NSD2: variants seen among roughly 807,000 people sequenced by gnomAD.
NSD2 encodes nuclear receptor binding SET domain protein 2.
Under a neutral mutation model 139.0 loss-of-function variants are expected in NSD2, and 12 were observed. The ratio of observed to expected loss-of-function variants is 0.09; its 90% CI spans 0.06 to 0.14. The LOEUF (loss-of-function observed/expected upper bound fraction) is 0.14. Among genes scored for constraint, NSD2 ranks in the 10% least tolerant of loss-of-function variants. The pLI is 1.00. For missense variants in NSD2, 1,155 were observed against 1,745.0 expected (o/e 0.66, Z 6.02); for synonymous variants, 669 against 648.7 (o/e 1.03, Z -0.48).
intron 1 of NSD2, among the ~76,000 whole-genome samples, chr4:1,872,451 C>G (rs528616882): frequency 6.6e-6 from 1 of 152,050 alleles, no homozygotes; most frequent in Admixed American, 6.6e-5. Flanking sequence ...TGTATAGGAC[C>G]CATTGCAGCA....
Position 1,955,094 on chromosome 4 carries a change from AG to A in NSD2, c.2339-66del, listed in dbSNP as rs1724670540. 6.9e-7 allele frequency: 1 copy of A among 1,446,866 alleles called. No homozygotes were observed. Among genetic ancestry groups the A allele is most frequent in the African/African-American group, 1.4e-5 (1 of 71,272 alleles). The allele number at this position is 1,446,866 out of a possible 1,614,324, so 89.6% of individuals were successfully genotyped here. On this transcript the variant is annotated intron_variant, in intron 12 of 21. Transcript: ENST00000508803. This position sits in a 1 kb window ranked among gnomAD's most constrained non-coding sequence, Gnocchi z 4.7. ...AATTCATGGAGGCTGAGTAATTATT[AG>A]TTGCTCTTTTCACTATGACTGGAGT...
At chr4:1,977,950 A>G (rs1727279363) in intron 21 of NSD2, among the ~76,000 whole-genome samples, 1 of 152,076 alleles carries the variant, frequency 6.6e-6, no homozygotes, top group Non-Finnish European at 1.5e-5. Flanking sequence ...AACATGGTGA[A>G]ACCTCATCTC....
chr4:1,954,159 A>G (rs929564495), intron 12 of NSD2, among the ~76,000 whole-genome samples: 4 of 151,876 alleles, frequency 2.6e-5, no homozygotes, highest in African/African-American at 9.7e-5. Flanking sequence ...TAATTTTTGT[A>G]TTTTTAGTAG....
intron 3 of NSD2, among the ~76,000 whole-genome samples, chr4:1,909,960 T>A (rs938590235): frequency 6.6e-6 from 1 of 152,080 alleles, no homozygotes; most frequent in East Asian, 1.9e-4. Flanking sequence ...AAAAAAAAAT[T>A]ATTTATCATG....
chr4:1,948,488 G>A lies in NSD2; in HGVS notation c.1882-2584G>A. On this transcript the variant is annotated intron_variant, in intron 9 of 21. Transcript: ENST00000508803. The surrounding 1 kb of genome is among the most constrained non-coding windows in gnomAD (Gnocchi z 4.5). ...TCGTACTTTGCTCTCCTTGCGGGTG[G>A]TTGCCGAGCCGAGAGCATTGGATCC... The A allele has an allele frequency of 1.9e-6, 2 of 1,064,960 alleles. No individual in the cohort carries two copies. Among genetic ancestry groups the A allele is most frequent in the Non-Finnish European group, 2.3e-6 (2 of 878,214 alleles). 66.0% of individuals were successfully genotyped at this position (1,064,960 alleles called of 1,614,324 possible).
intron 7 of NSD2, 129 bp from the exon 8 acceptor site, chr4:1,938,322 G>A: frequency 1.3e-6 from 1 of 746,538 alleles, no homozygotes; most frequent in Non-Finnish European, 2.0e-6. Context: ...AGCAACCTGT[G>A]TTCATTCACA....
In NSD2 at chr4:1,872,198, G is replaced by C. The variant is rs115912214; in HGVS notation, c.-30+656G>C. ...GTCCGGCCCTTGGCAGGTGGAGGCG[G>C]GGGTGAGCCGGGTGTGGGTACCCTG... On this transcript the variant is annotated intron_variant, in intron 1 of 21. Transcript: ENST00000508803. Among the ~76,000 whole-genome samples the C allele has an allele frequency of 7.1e-3, 1,088 of 152,254 alleles. 14 individuals are homozygous for C. Among genetic ancestry groups the C allele is most frequent in the African/African-American group, 0.025 (1,043 of 41,572 alleles).
intron 15 of NSD2, among the ~76,000 whole-genome samples, chr4:1,957,408 C>A (rs1444493375): frequency 6.6e-6 from 1 of 151,490 alleles, no homozygotes; most frequent in Non-Finnish European, 1.5e-5. Context: ...CTCAGTCTCC[C>A]AAGTAGCTGG....
At chr4:1,971,968 G>A (rs1429383666) in intron 18 of NSD2, among the ~76,000 whole-genome samples, 1 of 152,162 alleles carries the variant, frequency 6.6e-6, no homozygotes, top group East Asian at 1.9e-4. Context: ...ACTTGTGGCC[G>A]GTTCAGAAAT....
intron 1 of NSD2, among the ~76,000 whole-genome samples, chr4:1,881,075 G>T (rs1714661313): frequency 6.6e-6 from 1 of 152,128 alleles, no homozygotes; most frequent in South Asian, 2.1e-4. Context: ...GAGGGAGTAG[G>T]TTATTTGTGG....
At chr4:1,878,978 C>A (rs968742882) in intron 1 of NSD2, among the ~76,000 whole-genome samples, 1 of 152,082 alleles carries the variant, frequency 6.6e-6, no homozygotes, top group Non-Finnish European at 1.5e-5. Flanking sequence ...GGTACTGTTA[C>A]CTCTCTGTGA....
At chr4:1,894,288 A>T (rs1183156830) in intron 1 of NSD2, among the ~76,000 whole-genome samples, 1 of 152,164 alleles carries the variant, frequency 6.6e-6, no homozygotes, top group Non-Finnish European at 1.5e-5. Context: ...ATGTTCTGTC[A>T]TTTCAATACA....
chr4:1,975,091 A>G (rs1726930163), intron 19 of NSD2, 87 bp downstream of exon 19: 10 of 1,591,368 alleles, frequency 6.3e-6, no homozygotes, highest in Admixed American at 1.7e-5. Context: ...TGGACTGGAA[A>G]GGCTCTGGGG....
intron 9 of NSD2, chr4:1,945,054 G>A: frequency 9.4e-7 from 1 of 1,066,264 alleles, no homozygotes; most frequent in South Asian, 4.6e-5. Flanking sequence ...ACAGGAGTCG[G>A]GGGCTCCTCT....
At chr4:1,961,200 C>T in intron 18 of NSD2, 49 bp downstream of exon 18, 2 of 1,462,362 alleles carry the variant, frequency 1.4e-6, no homozygotes, top group Non-Finnish European at 1.9e-6. Context: ...GGACCTGGAG[C>T]CCTGATGGTC....
In NSD2 at chr4:1,898,474, G is replaced by C. The variant is rs543532481; in HGVS notation, c.-29-2152G>C. 4.5e-3 allele frequency among the ~76,000 whole-genome samples: 678 copies of C among 152,072 alleles called. 4 individuals are homozygous for C. Among genetic ancestry groups the C allele is most frequent in the African/African-American group, 0.015 (634 of 41,536 alleles). On this transcript the variant is annotated intron_variant, in intron 1 of 21. Transcript: ENST00000508803. ...AGTCAGGAGATCGAGACCATCCTGG[G>C]TAACACGGTGAAACCCCGTCTCTAC...
At chr4:1,944,483 A>G in intron 9 of NSD2, 1 of 1,065,640 alleles carries the variant, frequency 9.4e-7, no homozygotes, top group Non-Finnish European at 1.1e-6. Context: ...TTTTAGTCCC[A>G]TTTGACTCAC....
rs2109038643 is a variant in NSD2 at position 1,979,574 on chromosome 4, G to A, written c.*665G>A. On this transcript the variant is annotated 3_prime_UTR_variant, in exon 22 of 22. Transcript: ENST00000508803. ...GTTTTTTCTCCTCATGGATTTGAAT[G>A]AAATGCCAATAACACGTCCACTTTC... The A allele has an allele frequency of 4.3e-6, 1 of 232,618 alleles. No homozygotes were observed. The highest frequency in any genetic ancestry group is 8.5e-6 in the Non-Finnish European group (1 of 117,628). 14.4% of individuals were successfully genotyped at this position (232,618 alleles called of 1,614,324 possible). A position where few individuals can be genotyped will look rare whatever the true frequency, so the allele number is the denominator to read the frequency against.
intron 5 of NSD2, among the ~76,000 whole-genome samples, chr4:1,923,746 C>T (rs1450894624): frequency 6.6e-6 from 1 of 152,174 alleles, no homozygotes; most frequent in Non-Finnish European, 1.5e-5. Flanking sequence ...CCCTTGCACG[C>T]AGAGAGACCA....
Sources: allele counts gnomAD v4.1 joint callset (sites outside exome capture counted in the v4.1 genomes callset), GRCh38; gene constraint gnomAD v4.1.1; non-coding constraint Gnocchi (gnomAD v3.1); transcripts MANE v1.5; gene names NCBI Gene and HGNC (gene_info 2026-07-23, HGNC 2026-07-21).